Variants in GLT1D1 observed in about 807,000 individuals in gnomAD.
GLT1D1 encodes glycosyltransferase 1 domain-containing protein 1.
In GLT1D1, 21 loss-of-function variants were observed where a neutral mutation model predicts 28.7. The ratio of observed to expected loss-of-function variants is 0.73; its 90% CI spans 0.52 to 1.05. The LOEUF (loss-of-function observed/expected upper bound fraction) is 1.05, where lower values mean the gene tolerates loss of function less well. Among genes scored for constraint, GLT1D1 ranks in the 50% least tolerant of loss-of-function variants. GLT1D1 has a pLI of 0.00. For missense variants in GLT1D1, 343 were observed against 330.6 expected (o/e 1.04, Z -0.29); for synonymous variants, 147 against 124.8 (o/e 1.18, Z -1.19).
At chr12:128,935,818 G>A (rs1273397143) in intron 4 of GLT1D1, among the ~76,000 whole-genome samples, 1 of 152,054 alleles carries the variant, frequency 6.6e-6, no homozygotes, top group African/African-American at 2.4e-5. Flanking sequence ...GTAATTCTTA[G>A]CAAGAACTTT....
chr12:128,968,779 C>T (rs557827300), intron 7 of GLT1D1, among the ~76,000 whole-genome samples: 17 of 152,220 alleles, frequency 1.1e-4, no homozygotes, highest in African/African-American at 3.8e-4. Context: ...CACAGATTCT[C>T]CAGTGAGCTA....
intron 2 of GLT1D1, among the ~76,000 whole-genome samples, chr12:128,880,357 A>G (rs1957004342): frequency 6.6e-6 from 1 of 152,242 alleles, no homozygotes; most frequent in Non-Finnish European, 1.5e-5. Context: ...AATCTAATAA[A>G]TATCGAGAAC....
chr12:128,902,471 G>C (rs1437544651), intron 4 of GLT1D1, among the ~76,000 whole-genome samples: 1 of 136,150 alleles, frequency 7.3e-6, no homozygotes, highest in Non-Finnish European at 1.6e-5. Flanking sequence ...GGCAAGAAGA[G>C]CAAAAATTCT....
At chr12:128,940,963 C>T (rs754968409) in intron 4 of GLT1D1, among the ~76,000 whole-genome samples, 4 of 152,176 alleles carry the variant, frequency 2.6e-5, no homozygotes, top group Admixed American at 6.5e-5. Context: ...TTCCCATTTC[C>T]GCCTCACCCC....
At chr12:128,870,193 G>C (rs1221647650) in intron 1 of GLT1D1, among the ~76,000 whole-genome samples, 1 of 152,028 alleles carries the variant, frequency 6.6e-6, no homozygotes, top group Non-Finnish European at 1.5e-5. Context: ...ACTCCAGCCT[G>C]GGCGACAGAG....
chr12:128,954,165 C>T (rs1414140288), intron 6 of GLT1D1, among the ~76,000 whole-genome samples: 1 of 151,050 alleles, frequency 6.6e-6, no homozygotes, highest in African/African-American at 2.4e-5. Flanking sequence ...ACTCTGTCGC[C>T]CAGGCTGGAG....
intron 5 of GLT1D1, 151 bp from the exon 10 acceptor site, chr12:128,947,186 AC>A: frequency 1.3e-6 from 1 of 777,330 alleles, no homozygotes. Context: ...AAGGATTTCC[AC>A]CCCAGTATAG....
At chr12:128,947,202 C>T (rs1388650314) in intron 5 of GLT1D1, 136 bp from the exon 10 acceptor site, 9 of 950,204 alleles carry the variant, frequency 9.5e-6, no homozygotes, top group Non-Finnish European at 1.5e-5. Context: ...GTATAGTTCT[C>T]CTGGCTGAAC....
In GLT1D1 at chr12:128,984,137, T is replaced by G. The variant is rs1880581112; in HGVS notation, c.*1047T>G. 1 of 152,192 alleles carries G rather than the reference T, an allele frequency of 6.6e-6. No homozygotes were observed. Among genetic ancestry groups the G allele is most frequent in the Admixed American group, 6.5e-5 (1 of 15,274 alleles). 9.4% of individuals were successfully genotyped at this position (152,192 alleles called of 1,614,324 possible). On this transcript the variant is annotated 3_prime_UTR_variant, in exon 8 of 8. Coordinates refer to ENST00000281703, the MANE Select transcript of GLT1D1 (RefSeq NM_144669.3). ...TTACGACAATGGGGAACGCGGTGTT[T>G]CCCACCTCTTGTGGGTAGAAAGCAG...
At chr12:128,878,981 G>T (rs1956936726) in intron 2 of GLT1D1, among the ~76,000 whole-genome samples, 1 of 152,180 alleles carries the variant, frequency 6.6e-6, no homozygotes, top group African/African-American at 2.4e-5. Flanking sequence ...AAGAAGTGTA[G>T]AGTTTAACTT....
intron 7 of GLT1D1, among the ~76,000 whole-genome samples, 169 bp from the exon 12 acceptor site, chr12:128,982,760 A>G (rs1185872524): frequency 2.0e-5 from 3 of 152,030 alleles, no homozygotes; most frequent in Admixed American, 6.6e-5. Context: ...TTTCCTACTC[A>G]GTCTCAGTGT....
At chr12:128,945,481 C>A in intron 5 of GLT1D1, 112 bp downstream of exon 9, 1 of 917,394 alleles carries the variant, frequency 1.1e-6, no homozygotes, top group Non-Finnish European at 1.8e-6. Context: ...CAGTTTCCAA[C>A]TGTTTCCTCA....
At position 128,973,179 on chromosome 12, in the gene GLT1D1, G is replaced by GTTTTTTTTTTTTTTTTTTTTTTTTTT. The variant is rs61169176; in HGVS notation, c.640-9748_640-9723dup. ...CTTTTCTGTTTTGTTTGTTTGCTTG[G>GTTTTTTTTTTTTTTTTTTTTTTTTTT]TTTTTTTTTTTTTTTTTTTTTTTTT... On this transcript the variant is annotated intron_variant, in intron 7 of 7. Coordinates refer to ENST00000281703, the MANE Select transcript of GLT1D1 (RefSeq NM_144669.3). Among the ~76,000 whole-genome samples, 46 of 50,988 alleles carry GTTTTTTTTTTTTTTTTTTTTTTTTTT rather than the reference G, an allele frequency of 9.0e-4. 10 individuals are homozygous for GTTTTTTTTTTTTTTTTTTTTTTTTTT. Among genetic ancestry groups the GTTTTTTTTTTTTTTTTTTTTTTTTTT allele is most frequent in the Non-Finnish European group, 1.6e-3 (40 of 24,892 alleles). 33.5% of individuals were successfully genotyped at this position (50,988 alleles called of 152,430 possible).
chr12:128,933,223 T>G (rs2135931142), intron 4 of GLT1D1, among the ~76,000 whole-genome samples: 1 of 152,360 alleles, frequency 6.6e-6, no homozygotes, highest in East Asian at 1.9e-4. Context: ...CAGTTTCTAG[T>G]TCCTCAGCCG....
At chr12:128,952,093 G>T (rs1041353161) in intron 6 of GLT1D1, among the ~76,000 whole-genome samples, 1 of 152,114 alleles carries the variant, frequency 6.6e-6, no homozygotes, top group Non-Finnish European at 1.5e-5. Flanking sequence ...TGGAGATGCC[G>T]CAGCGGACAG....
chr12:128,977,398 G>A (rs866484682), intron 7 of GLT1D1, among the ~76,000 whole-genome samples: 3 of 152,104 alleles, frequency 2.0e-5, no homozygotes, highest in Non-Finnish European at 4.4e-5. Context: ...CTGAGCCAGC[G>A]TTGGCACACC....
In GLT1D1 at chr12:128,971,612, TC is replaced by T. The variant is rs1316532568; in HGVS notation, c.640-11311del. 1.3e-3 allele frequency among the ~76,000 whole-genome samples: 17 copies of T among 13,422 alleles called. 1 individual carries two copies. Among genetic ancestry groups the T allele is most frequent in the African/African-American group, 5.2e-3 (16 of 3,072 alleles). 8.8% of individuals were successfully genotyped at this position (13,422 alleles called of 152,430 possible). ...TTCTTCCCTCCTTTCCTCTCTCCCT[TC>T]CCCCCTCCCTCCTCCCTTCCCCCCT... is the stretch of plus-strand genomic sequence containing the variant. On this transcript the variant is annotated intron_variant, in intron 7 of 7. Coordinates refer to ENST00000281703, the MANE Select transcript of GLT1D1 (RefSeq NM_144669.3).
chr12:128,939,360 G>A (rs1172177179), intron 4 of GLT1D1, among the ~76,000 whole-genome samples: 3 of 150,422 alleles, frequency 2.0e-5, no homozygotes, highest in Non-Finnish European at 2.9e-5. Flanking sequence ...TCAGGAGTTC[G>A]AGACCAGCCT....
At chr12:128,928,269 G>C (rs1223437835) in intron 4 of GLT1D1, among the ~76,000 whole-genome samples, 1 of 151,994 alleles carries the variant, frequency 6.6e-6, no homozygotes, top group Non-Finnish European at 1.5e-5. Context: ...CTGTAAATCC[G>C]AGAAACACGC....
Sources: allele counts gnomAD v4.1 joint callset (sites outside exome capture counted in the v4.1 genomes callset), GRCh38; gene constraint gnomAD v4.1.1; transcripts MANE v1.5; gene names NCBI Gene and HGNC (gene_info 2026-07-23, HGNC 2026-07-21).